The following POP4 variants were observed in gnomAD, a reference collection of about 807,000 sequenced individuals.
POP4 encodes ribonuclease P protein subunit p29.
Under a neutral mutation model 29.9 loss-of-function variants are expected in POP4, and 31 were observed. The observed-to-expected ratio is 1.04, with a 90% confidence interval of 0.78 to 1.40. The LOEUF (loss-of-function observed/expected upper bound fraction) is 1.40. Among genes scored for constraint, POP4 ranks in the 40% most tolerant of loss-of-function variants. The pLI is 0.00. For missense variants in POP4, 286 were observed against 282.7 expected, an observed-to-expected ratio of 1.01 and a Z score of -0.08; for synonymous variants, 110 against 108.2, an observed-to-expected ratio of 1.02 and a Z score of -0.10.
At chr19:29,608,938 T>G (rs1365340090) in intron 2 of POP4, 3 of 507,592 alleles carry the variant, frequency 5.9e-6, no homozygotes, top group Non-Finnish European at 1.1e-5. Context: ...GAGGCTTTCC[T>G]TAACCTTTTA....
chr19:29,613,798 C>T (rs2145558942), intron 5 of POP4, 73 bp from the exon 6 acceptor site: 1 of 1,539,900 alleles, frequency 6.5e-7, no homozygotes, highest in South Asian at 1.3e-5. Context: ...CCCCCAACCC[C>T]TGAGGCCTGC....
chr19:29,608,262 CTTT>C (rs1164860504), intron 1 of POP4, among the ~76,000 whole-genome samples: 1 of 86,578 alleles, frequency 1.2e-5, no homozygotes, highest in Non-Finnish European at 2.1e-5. Context: ...CTTTTCTTTT[CTTT>C]TTTTTTTTTT....
In POP4 at chr19:29,615,486, C is replaced by T; in HGVS notation, c.*106C>T. The T allele has an allele frequency of 8.0e-7, 1 of 1,254,568 alleles. No individual in the cohort carries two copies. The highest frequency in any genetic ancestry group is 1.1e-6 in the Non-Finnish European group (1 of 908,308). The allele number at this position is 1,254,568 out of a possible 1,614,324, so 77.7% of individuals were successfully genotyped here. ...AGTTAAGCCAATTCCATTTATAGAC[C>T]ACCTCCAGCCAGTGACGCTCCGAGT... On this transcript the variant is annotated 3_prime_UTR_variant, in exon 7 of 7. Transcript: ENST00000585603.
rs1297083926 is a variant in POP4, at chr19:29,616,341, G to C, written c.*961G>C. The C allele has an allele frequency of 6.6e-6, 1 of 152,488 alleles. No individual in the cohort carries two copies. Among genetic ancestry groups the C allele is most frequent in the East Asian group, 1.9e-4 (1 of 5,188 alleles). 9.4% of individuals were successfully genotyped at this position (152,488 alleles called of 1,614,324 possible). The stretch of plus-strand genomic sequence containing the variant: ...CAGGGCTGCAGTGAGAGCGGGGCAG[G>C]GGACCAGCCTACCAGATGGGTTGGA... On this transcript the variant is annotated 3_prime_UTR_variant, in exon 7 of 7. Transcript: ENST00000585603.
At chr19:29,612,356 TAGCC>T (rs1316028497) in intron 5 of POP4, among the ~76,000 whole-genome samples, 178 bp downstream of exon 5, 2 of 152,120 alleles carry the variant, frequency 1.3e-5, no homozygotes, top group Non-Finnish European at 2.9e-5. Flanking sequence ...CTGGCTGTCT[TAGCC>T]AGTCCGGCCA....
chr19:29,610,807 G>A, intron 3 of POP4, 175 bp downstream of exon 3: 1 of 642,708 alleles, frequency 1.6e-6, no homozygotes, highest in Non-Finnish European at 2.7e-6. Flanking sequence ...CAGCGAGGCG[G>A]GTGAGACAGG....
chr19:29,614,072 A>C, intron 6 of POP4, 100 bp downstream of exon 6: 5 of 1,492,086 alleles, frequency 3.4e-6, no homozygotes, highest in Non-Finnish European at 4.4e-6. Context: ...TGACCCCTCA[A>C]GTCAGCGCAG....
chr19:29,615,109 T>G, intron 6 of POP4, 135 bp from the exon 7 acceptor site: 1 of 1,089,326 alleles, frequency 9.2e-7, no homozygotes, highest in Middle Eastern at 3.2e-4. Context: ...CCCCTCCCCT[T>G]GTGGGTTTCC....
At chr19:29,615,154 G>C (rs986904266) in intron 6 of POP4, 90 bp from the exon 7 acceptor site, 1 of 1,369,236 alleles carries the variant, frequency 7.3e-7, no homozygotes, top group Admixed American at 2.8e-5. Context: ...CATTCAATGT[G>C]TTCTGAATAA....
At position 29,616,920 on chromosome 19, in the gene POP4, C is replaced by G. The variant is rs1971138560; in HGVS notation, c.*1540C>G. 1 of 146,234 alleles carries G rather than the reference C, an allele frequency of 6.8e-6. No homozygotes were observed. 9.1% of individuals were successfully genotyped at this position (146,234 alleles called of 1,614,324 possible). On this transcript the variant is annotated 3_prime_UTR_variant, in exon 7 of 7. Coordinates refer to ENST00000585603, the MANE Select transcript of POP4 (RefSeq NM_006627.3). ...AGACAGACTTCGAGGGACCTCTTGC[C>G]TAAGGCCTCGCTGACTCAAGGGTAG...
At chr19:29,613,577 G>A (rs1317810127) in intron 5 of POP4, among the ~76,000 whole-genome samples, 1 of 152,178 alleles carries the variant, frequency 6.6e-6, no homozygotes, top group Admixed American at 6.5e-5. Context: ...TGATGGTGCT[G>A]GGCACATATG....
chr19:29,608,894 T>A (rs1039205764), intron 2 of POP4, 185 bp downstream of exon 2: 2 of 558,752 alleles, frequency 3.6e-6, no homozygotes, highest in African/African-American at 3.8e-5. Flanking sequence ...GCCAGCCTCC[T>A]TTTCTGTTGT....
Position 29,610,547 on chromosome 19 carries a change from A to G in POP4, c.199A>G (p.Lys67Glu), listed in dbSNP as rs1971054799. The change falls in exon 3 of 7, where the codon AAG becomes GAG. Residue 67 changes from lysine to glutamate, a missense_variant. Physicochemically the swap from Lys to Glu is moderately conservative, Grantham distance 56. Coordinates refer to ENST00000585603, the MANE Select transcript of POP4 (RefSeq NM_006627.3). ...GGAGTACTTCACCCGCCACAAGCGC[A>G]AGGAGAAGAAGAAGAAAGCCAAAGG... ...VLEYFTRHKR[K>E]EKKKKAKGLS... The G allele has an allele frequency of 6.2e-7, 1 of 1,614,200 alleles. No homozygotes were observed. Among genetic ancestry groups the G allele is most frequent in the Non-Finnish European group, 8.5e-7 (1 of 1,180,042 alleles).
rs1003813358 is a variant in POP4, at chr19:29,616,729, T to C, written c.*1349T>C. 1.3e-5 allele frequency: 2 copies of C among 152,304 alleles called. No homozygotes were observed. The highest frequency in any genetic ancestry group is 4.8e-5 in the African/African-American group (2 of 41,438). 9.4% of individuals were successfully genotyped at this position (152,304 alleles called of 1,614,324 possible). On this transcript the variant is annotated 3_prime_UTR_variant, in exon 7 of 7. Coordinates refer to ENST00000585603, the MANE Select transcript of POP4 (RefSeq NM_006627.3). ...AAGTGTCCTCCGCTCACCAGGGTGT[T>C]CTGAGGCAGCTCAAGTGCTCTCCCC...
At chr19:29,610,737 G>T in intron 3 of POP4, 105 bp downstream of exon 3, 1 of 1,156,154 alleles carries the variant, frequency 8.6e-7, no homozygotes, top group Non-Finnish European at 1.2e-6. Context: ...CTAAGCTAAG[G>T]GGGCCTCTCT....
intron 6 of POP4, 50 bp downstream of exon 6, chr19:29,614,022 A>C (rs1231249561): frequency 6.3e-7 from 1 of 1,583,920 alleles, no homozygotes; most frequent in African/African-American, 1.4e-5. Flanking sequence ...GCTCCCAGCT[A>C]CTGCGTTAGC....
At chr19:29,612,288 C>A in intron 5 of POP4, 110 bp downstream of exon 5, 1 of 1,049,854 alleles carries the variant, frequency 9.5e-7, no homozygotes, top group Non-Finnish European at 1.4e-6. Context: ...CGTGTGGATT[C>A]CCTGAGATGG....
intron 2 of POP4, 40 bp from the exon 3 acceptor site, chr19:29,610,369 A>G: frequency 6.6e-7 from 1 of 1,510,414 alleles, no homozygotes; most frequent in Non-Finnish European, 8.9e-7. Context: ...GGCTGCCCAG[A>G]CCGGAGCAGT....
At position 29,615,261 on chromosome 19, in the gene POP4, T is replaced by C. The variant is rs760642859; in HGVS notation, c.544T>C (p.Cys182Arg). 1.3e-6 allele frequency: 2 copies of C among 1,543,488 alleles called. No individual in the cohort carries two copies. The highest frequency in any genetic ancestry group is 2.3e-5 in the South Asian group (2 of 87,248). ...TTTTTCAGTTATCCCCAAGCTAAAC[T>C]GCGTGTTCACTGTGGAAACCGATGG... ...DRLKVIPKLNCVFTVETDGFI... is the reference protein window; with the variant it reads ...DRLKVIPKLNRVFTVETDGFI... Residue 182 changes from cysteine (C) to arginine (R), a missense_variant, in exon 7 of 7, where the codon TGC becomes CGC. Cys to Arg is a radical substitution (Grantham distance 180). Transcript: ENST00000585603.
Sources: gnomAD v4.1 joint callset for allele counts (sites outside exome capture counted in the v4.1 genomes callset) on GRCh38, gnomAD v4.1.1 for gene constraint, MANE v1.5 for transcripts, NCBI Gene and HGNC (gene_info 2026-07-23, HGNC 2026-07-21) for gene names.